Variants in ADAMTSL3 observed in about 807,000 individuals in gnomAD.
The protein encoded by ADAMTSL3 is ADAMTS-like protein 3.
In ADAMTSL3, 128 loss-of-function variants were observed where a neutral mutation model predicts 201.7. The observed-to-expected ratio is 0.63, with a 90% CI of 0.55 to 0.73. The LOEUF is 0.73. ADAMTSL3 is among the 30% of genes least tolerant of loss of function. ADAMTSL3 has a pLI of 0.00. For missense variants in ADAMTSL3, 1,990 were observed against 2,119.6 expected (o/e 0.94, Z 1.20); for synonymous variants, 738 against 748.4 (o/e 0.99, Z 0.23).
At chr15:83,771,710 A>G (rs951130013) in intron 3 of ADAMTSL3, among the ~76,000 whole-genome samples, 1 of 152,144 alleles carries the variant, frequency 6.6e-6, no homozygotes, top group Non-Finnish European at 1.5e-5. Context: ...GGTTGCTTCC[A>G]TGTCTTGGCT....
chr15:83,729,673 A>T (rs1418954871), intron 3 of ADAMTSL3, among the ~76,000 whole-genome samples: 1 of 151,674 alleles, frequency 6.6e-6, no homozygotes, highest in Non-Finnish European at 1.5e-5. Context: ...ATTATTTTGG[A>T]TTTCATTGAG....
intron 4 of ADAMTSL3, among the ~76,000 whole-genome samples, chr15:83,787,936 G>A (rs575837574): frequency 6.6e-6 from 1 of 150,668 alleles, no homozygotes; most frequent in Admixed American, 6.6e-5. Flanking sequence ...AAATTATTAT[G>A]AAGGCATATT....
chr15:83,837,908 A>G (rs1490157406), intron 6 of ADAMTSL3, among the ~76,000 whole-genome samples, 181 bp from the exon 7 acceptor site: 1 of 152,166 alleles, frequency 6.6e-6, no homozygotes, highest in East Asian at 1.9e-4. Context: ...TTACATTAGA[A>G]TCATATAAAT....
intron 2 of ADAMTSL3, among the ~76,000 whole-genome samples, chr15:83,703,428 A>G (rs968242114): frequency 1.3e-5 from 2 of 152,064 alleles, no homozygotes; most frequent in Non-Finnish European, 2.9e-5. Flanking sequence ...TCCCCACTCA[A>G]ATCTCATCTT....
At chr15:83,819,234 C>G (rs2063817718) in intron 5 of ADAMTSL3, among the ~76,000 whole-genome samples, 1 of 140,820 alleles carries the variant, frequency 7.1e-6, no homozygotes, top group Admixed American at 7.9e-5. Flanking sequence ...CACTGCACTC[C>G]AGCCTGGCGA....
chr15:83,838,071 C>T lies in ADAMTSL3; in HGVS notation c.601-18C>T. 1 of 1,605,006 alleles carries T rather than the reference C, an allele frequency of 6.2e-7. No homozygotes were observed. The highest frequency in any genetic ancestry group is 2.3e-5 in the East Asian group (1 of 44,304). On this transcript the variant is annotated intron_variant, in intron 6 of 29. Transcript: ENST00000286744. Reference sequence around the variant, plus strand: ...CCCTGGCTTTGGGCACCACTGACTGCCATGCTTCTGTTGGCAGGCAGTGGG... The same window carrying T: ...CCCTGGCTTTGGGCACCACTGACTGTCATGCTTCTGTTGGCAGGCAGTGGG...
At chr15:84,019,541 T>C (rs763859412) in intron 25 of ADAMTSL3, among the ~76,000 whole-genome samples, 3 of 151,974 alleles carry the variant, frequency 2.0e-5, no homozygotes, top group African/African-American at 4.8e-5. Context: ...AGAAATGAAA[T>C]GAACTACTGA....
intron 16 of ADAMTSL3, among the ~76,000 whole-genome samples, chr15:83,923,344 G>C (rs2066183205): frequency 6.6e-6 from 1 of 152,126 alleles, no homozygotes; most frequent in South Asian, 2.1e-4. Context: ...TTTCCAAATA[G>C]GAGGTATTGT....
intron 4 of ADAMTSL3, among the ~76,000 whole-genome samples, chr15:83,800,155 A>G (rs1046424180): frequency 1.3e-5 from 2 of 151,546 alleles, no homozygotes; most frequent in African/African-American, 4.9e-5. Flanking sequence ...TATAAAGGAA[A>G]CTGAGAAGTA....
At chr15:83,665,085 A>G (rs544934316) in intron 2 of ADAMTSL3, among the ~76,000 whole-genome samples, 3 of 152,284 alleles carry the variant, frequency 2.0e-5, no homozygotes, top group Non-Finnish European at 4.4e-5. Context: ...TAGGCGGGCA[A>G]TGATGAGACC....
intron 4 of ADAMTSL3, among the ~76,000 whole-genome samples, chr15:83,801,651 AATAT>A (rs68098545): frequency 2.4e-3 from 76 of 31,218 alleles, no homozygotes; most frequent in African/African-American, 5.5e-3. Flanking sequence ...TATAAATATA[AATAT>A]ATATATATAT....
At chr15:83,995,389 C>T (rs1472948041) in intron 23 of ADAMTSL3, among the ~76,000 whole-genome samples, 1 of 152,204 alleles carries the variant, frequency 6.6e-6, no homozygotes, top group East Asian at 1.9e-4. Context: ...ATAATCTCTA[C>T]CTTGATTTGC....
At chr15:83,790,767 A>G (rs1339817282) in intron 4 of ADAMTSL3, among the ~76,000 whole-genome samples, 3 of 152,216 alleles carry the variant, frequency 2.0e-5, no homozygotes, top group African/African-American at 4.8e-5. Flanking sequence ...CAAGAAATCT[A>G]CAAGGTAACT....
intron 7 of ADAMTSL3, among the ~76,000 whole-genome samples, chr15:83,855,155 G>A (rs751616730): frequency 6.6e-6 from 1 of 152,152 alleles, no homozygotes; most frequent in Non-Finnish European, 1.5e-5. Flanking sequence ...CTGTAGGTTA[G>A]CCATAGATGA....
At chr15:83,932,087 A>G (rs563349374) in intron 17 of ADAMTSL3, among the ~76,000 whole-genome samples, 1 of 152,324 alleles carries the variant, frequency 6.6e-6, no homozygotes, top group East Asian at 1.9e-4. Flanking sequence ...AACTACAAAC[A>G]ACTTATCAAC....
At chr15:83,851,179 A>T in intron 7 of ADAMTSL3, among the ~76,000 whole-genome samples, 1 of 152,244 alleles carries the variant, frequency 6.6e-6, no homozygotes, top group East Asian at 1.9e-4. Flanking sequence ...CTACAAATGT[A>T]TGAAACTTTA....
At chr15:83,688,202 A>T (rs1178926432) in intron 2 of ADAMTSL3, among the ~76,000 whole-genome samples, 1 of 152,208 alleles carries the variant, frequency 6.6e-6, no homozygotes, top group African/African-American at 2.4e-5. Flanking sequence ...ATGAGAAAAG[A>T]CGCATACTGA....
At chr15:83,667,385 G>A (rs997052962) in intron 2 of ADAMTSL3, among the ~76,000 whole-genome samples, 1 of 152,082 alleles carries the variant, frequency 6.6e-6, no homozygotes, top group Non-Finnish European at 1.5e-5. Context: ...GTCTTAAATG[G>A]CATATGGTAT....
At chr15:83,760,736 C>T (rs1196295386) in intron 3 of ADAMTSL3, among the ~76,000 whole-genome samples, 1 of 152,090 alleles carries the variant, frequency 6.6e-6, no homozygotes, top group East Asian at 1.9e-4. Flanking sequence ...CAGTATGTAG[C>T]ATCTCTCTGT....
Sources: gnomAD v4.1 joint callset for allele counts (sites outside exome capture counted in the v4.1 genomes callset) on GRCh38, gnomAD v4.1.1 for gene constraint, MANE v1.5 for transcripts, NCBI Gene and HGNC (gene_info 2026-07-23, HGNC 2026-07-21) for gene names.